BMPER: variants seen among roughly 807,000 people sequenced by gnomAD.
BMPER encodes BMP-binding endothelial regulator protein.
BMPER carries 45 observed loss-of-function variants against 87.3 expected under a neutral mutation model. The ratio of observed to expected loss-of-function variants is 0.52; its 90% CI spans 0.41 to 0.66. The LOEUF is 0.66. Ranked by LOEUF, BMPER falls within the 30% of genes least tolerant of loss-of-function variation. The pLI is 0.00. For synonymous variants in BMPER, 326 were observed against 316.2 expected (o/e 1.03, Z -0.33); for missense variants, 784 against 867.5 (o/e 0.90, Z 1.21).
At chr7:34,067,444 C>T (rs1249507040) in intron 11 of BMPER, 3 of 152,098 alleles carry the variant, frequency 2.0e-5, no homozygotes, top group Non-Finnish European at 4.4e-5. Context: ...TATGAGAAAT[C>T]TCCACTGACA....
chr7:34,136,826 G>A (rs566493539), intron 13 of BMPER, among the ~76,000 whole-genome samples: 3 of 152,368 alleles, frequency 2.0e-5, no homozygotes, highest in African/African-American at 7.2e-5. Flanking sequence ...ATCTGGCTCC[G>A]AGGTGGAGCT....
intron 7 of BMPER, among the ~76,000 whole-genome samples, chr7:34,047,486 C>T (rs984317125): frequency 3.3e-5 from 5 of 151,912 alleles, no homozygotes; most frequent in Non-Finnish European, 7.4e-5. Context: ...ATCATGTTGG[C>T]CTGGATGGTC....
intron 3 of BMPER, chr7:33,939,960 T>C (rs1268547453): frequency 6.3e-6 from 2 of 315,924 alleles, no homozygotes; most frequent in East Asian, 1.6e-4. Context: ...AGTGCTTGTC[T>C]CAAGGGTTTT....
intron 12 of BMPER, among the ~76,000 whole-genome samples, chr7:34,082,328 G>GATTTT (rs1261837561): frequency 2.6e-5 from 3 of 116,420 alleles, no homozygotes; most frequent in Admixed American, 9.7e-5. Context: ...CAACTTATTA[G>GATTTT]TTTTTTTTTT....
At chr7:33,909,460 T>C (rs1290425743) in intron 2 of BMPER, among the ~76,000 whole-genome samples, 1 of 152,160 alleles carries the variant, frequency 6.6e-6, no homozygotes, top group Non-Finnish European at 1.5e-5. Context: ...CATTTGTTAA[T>C]CGCATTATAT....
intron 11 of BMPER, among the ~76,000 whole-genome samples, chr7:34,067,688 C>T (rs1055770399): frequency 2.0e-5 from 3 of 152,134 alleles, no homozygotes; most frequent in East Asian, 1.9e-4. Context: ...CATCTGGAGT[C>T]GGGCTTGACA....
At chr7:34,058,215 G>C (rs757887951) in intron 10 of BMPER, 52 bp downstream of exon 10, 1 of 1,528,194 alleles carries the variant, frequency 6.5e-7, no homozygotes, top group South Asian at 1.1e-5. Flanking sequence ...GAAATGTCCT[G>C]TGTGTGGCAC....
At chr7:34,014,463 C>A (rs943485408) in intron 6 of BMPER, among the ~76,000 whole-genome samples, 13 of 151,934 alleles carry the variant, frequency 8.6e-5, no homozygotes, top group Admixed American at 8.5e-4. Flanking sequence ...CGAGGCCACC[C>A]TGTGTCCCAT....
intron 13 of BMPER, among the ~76,000 whole-genome samples, chr7:34,139,575 A>C (rs1004007545): frequency 6.6e-6 from 1 of 152,218 alleles, no homozygotes; most frequent in Non-Finnish European, 1.5e-5. Flanking sequence ...CCTATGTAGA[A>C]AATACAGGTA....
At chr7:33,958,772 G>GA (rs980205315) in intron 3 of BMPER, among the ~76,000 whole-genome samples, 1 of 152,180 alleles carries the variant, frequency 6.6e-6, no homozygotes, top group African/African-American at 2.4e-5. Flanking sequence ...TGTGGAGTTA[G>GA]ATGTGCTACC....
intron 14 of BMPER, among the ~76,000 whole-genome samples, chr7:34,148,528 A>C (rs114418508): frequency 9.7e-6 from 1 of 102,996 alleles, no homozygotes; most frequent in Non-Finnish European, 2.2e-5. Flanking sequence ...ATAGATACTC[A>C]GCAGATGTTT....
chr7:33,993,015 G>T, intron 6 of BMPER, among the ~76,000 whole-genome samples: 2 of 141,756 alleles, frequency 1.4e-5, no homozygotes, highest in African/African-American at 5.3e-5. Flanking sequence ...TTCCCTTTGA[G>T]GGTAACCCGA....
chr7:33,931,001 C>G (rs1483037068), intron 2 of BMPER, among the ~76,000 whole-genome samples: 1 of 152,138 alleles, frequency 6.6e-6, no homozygotes, highest in Non-Finnish European at 1.5e-5. Context: ...GCTGCCAACA[C>G]ACTTCTTTTT....
chr7:34,041,324 C>A (rs918269511), intron 6 of BMPER, among the ~76,000 whole-genome samples: 2 of 152,228 alleles, frequency 1.3e-5, no homozygotes, highest in Non-Finnish European at 2.9e-5. Context: ...CTGGCACAAC[C>A]CAGGCTTGTC....
At chr7:34,053,405 A>G (rs1788195805) in intron 8 of BMPER, among the ~76,000 whole-genome samples, 1 of 152,096 alleles carries the variant, frequency 6.6e-6, no homozygotes, top group Non-Finnish European at 1.5e-5. Flanking sequence ...ATGTGATTTA[A>G]TACAGTTGGC....
chr7:34,147,972 C>A (rs371471871), intron 14 of BMPER, among the ~76,000 whole-genome samples: 2 of 152,026 alleles, frequency 1.3e-5, no homozygotes, highest in Non-Finnish European at 2.9e-5. Flanking sequence ...AAGGCAAATC[C>A]GGTGATGTCA....
intron 3 of BMPER, among the ~76,000 whole-genome samples, chr7:33,959,185 C>G (rs548381420): frequency 1.3e-5 from 2 of 152,098 alleles, no homozygotes; most frequent in Non-Finnish European, 2.9e-5. Context: ...AATACAAGTG[C>G]TTTTATGAGA....
intron 6 of BMPER, among the ~76,000 whole-genome samples, chr7:34,030,159 G>A (rs1787483074): frequency 2.0e-5 from 3 of 151,948 alleles, no homozygotes; most frequent in Non-Finnish European, 4.4e-5. Context: ...ATATATATAG[G>A]TGGGAAGACA....
rs1583478602 is a variant in BMPER at position 34,143,423 on chromosome 7, A to G, written c.1876+63A>G. On this transcript the variant is annotated intron_variant, in intron 14 of 14. Transcript: ENST00000649409. Reference sequence around the variant, plus strand: ...ACTGCAATGCCCAAGATGGCAATGGAGGAGACTTGTGGATGCTGACATGAG... The same window carrying G: ...ACTGCAATGCCCAAGATGGCAATGGGGGAGACTTGTGGATGCTGACATGAG... The G allele has an allele frequency of 5.6e-6, 9 of 1,605,118 alleles. No individual in the cohort carries two copies. In the East Asian group the frequency reaches 2.0e-4, roughly 36 times the overall value.
Sources: gnomAD v4.1 joint callset for allele counts (sites outside exome capture counted in the v4.1 genomes callset) on GRCh38, gnomAD v4.1.1 for gene constraint, MANE v1.5 for transcripts, NCBI Gene and HGNC (gene_info 2026-07-23, HGNC 2026-07-21) for gene names.